Variants in HGSNAT observed in about 807,000 individuals in gnomAD.
HGSNAT encodes the protein transmembrane protein 76.
HGSNAT carries 59 observed loss-of-function variants against 85.2 expected under a neutral mutation model. The observed-to-expected ratio is 0.69, with a 90% CI of 0.56 to 0.86. The LOEUF is 0.86. HGSNAT is among the 40% of genes least tolerant of loss of function. The pLI, the probability that HGSNAT is intolerant of heterozygous loss-of-function variation, is 0.00. For missense variants in HGSNAT, 756 were observed against 777.1 expected, an observed-to-expected ratio of 0.97 and a Z score of 0.32; for synonymous variants, 321 against 304.5, an observed-to-expected ratio of 1.05 and a Z score of -0.56.
At position 43,140,601 on chromosome 8, in the gene HGSNAT, C is replaced by G. The variant is rs1173038584; in HGVS notation, c.105C>G (p.Ala35=). The change falls in exon 1 of 18, where the codon GCC becomes GCG. Residue 35 remains alanine, a synonymous_variant. Coordinates refer to ENST00000379644, the MANE Select transcript of HGSNAT (RefSeq NM_152419.3). ...PGGSSGRDAQ[A]APPRDLDKKR... The stretch of plus-strand genomic sequence containing the variant: ...GCTCTTCGGGGCGCGATGCCCAGGC[C>G]GCGCCGCCACGAGGTGAGTGCACAC... 7 of 1,236,330 alleles carry G rather than the reference C, an allele frequency of 5.7e-6. No individual in the cohort carries two copies. The African/African-American group carries it at 1.1e-4, about 20-fold the overall frequency. The allele number at this position is 1,236,330 out of a possible 1,614,324, so 76.6% of individuals were successfully genotyped here. A position where few individuals can be genotyped will look rare whatever the true frequency, so the allele number is the denominator to read the frequency against.
intron 1 of HGSNAT, among the ~76,000 whole-genome samples, chr8:43,144,242 T>A (rs1052318635): frequency 1.3e-5 from 2 of 151,538 alleles, no homozygotes; most frequent in African/African-American, 4.9e-5. Context: ...GGAGGATTGC[T>A]TGAACTCAGG....
chr8:43,177,617 G>A (rs1803859999), intron 9 of HGSNAT, among the ~76,000 whole-genome samples: 1 of 150,790 alleles, frequency 6.6e-6, no homozygotes, highest in Non-Finnish European at 1.5e-5. Context: ...AGAAAAGAAA[G>A]GAAATGTGTA....
intron 8 of HGSNAT, 69 bp from the exon 9 acceptor site, chr8:43,173,644 T>TC (rs1803708771): frequency 6.6e-7 from 1 of 1,520,114 alleles, no homozygotes; most frequent in Admixed American, 1.8e-5. Context: ...TGTAATGAAG[T>TC]CCACACTAGA....
In HGSNAT at chr8:43,200,896, T is replaced by G. The variant is rs1350800049; in HGVS notation, c.*1327T>G. Reference sequence around the variant, plus strand: ...CCTGAACTCTCATCCGGCTTGTACCTGCCTGCTGGACCCCTCCACCTGGAG... The same window carrying G: ...CCTGAACTCTCATCCGGCTTGTACCGGCCTGCTGGACCCCTCCACCTGGAG... On this transcript the variant is annotated 3_prime_UTR_variant, in exon 18 of 18. Coordinates refer to ENST00000379644, the MANE Select transcript of HGSNAT (RefSeq NM_152419.3). 2.0e-5 allele frequency: 3 copies of G among 152,722 alleles called. No individual in the cohort carries two copies. The highest frequency in any genetic ancestry group is 4.8e-5 in the African/African-American group (2 of 41,478). 9.5% of individuals were successfully genotyped at this position (152,722 alleles called of 1,614,324 possible).
At chr8:43,182,981 T>C (rs1167180723) in intron 11 of HGSNAT, among the ~76,000 whole-genome samples, 1 of 152,216 alleles carries the variant, frequency 6.6e-6, no homozygotes, top group Non-Finnish European at 1.5e-5. Context: ...TTTCCTCTTA[T>C]TTTTAGTTGA....
rs1803638594 is a variant in HGSNAT at position 43,171,942 on chromosome 8, C to T, written c.744-368C>T. 3.9e-5 allele frequency among the ~76,000 whole-genome samples: 6 copies of T among 152,326 alleles called. No individual in the cohort carries two copies. In the South Asian group the frequency reaches 1.2e-3, roughly 32 times the overall value. ...GATTGGAATTCTGAGCTCGCTGACT[C>T]AGCTGGCTGTGTGCCTTCCACCAGA... On this transcript the variant is annotated intron_variant, in intron 7 of 17. Transcript: ENST00000379644.
At chr8:43,156,049 A>T (rs1803084245) in intron 2 of HGSNAT, among the ~76,000 whole-genome samples, 2 of 152,150 alleles carry the variant, frequency 1.3e-5, no homozygotes, top group African/African-American at 4.8e-5. Context: ...CATGTTGGCC[A>T]GGCTGGTCTC....
At chr8:43,191,255 T>C (rs1197964864) in intron 11 of HGSNAT, among the ~76,000 whole-genome samples, 4 of 152,212 alleles carry the variant, frequency 2.6e-5, no homozygotes, top group African/African-American at 9.6e-5. Flanking sequence ...CTCTTGGGTA[T>C]AGGAATAGAA....
At chr8:43,141,131 G>A (rs1802515124) in intron 1 of HGSNAT, among the ~76,000 whole-genome samples, 1 of 152,194 alleles carries the variant, frequency 6.6e-6, no homozygotes, top group Non-Finnish European at 1.5e-5. Flanking sequence ...CCTGGGGCCG[G>A]GACGCGCGTT....
In HGSNAT at chr8:43,172,329, G is replaced by A. The variant is rs1803653084; in HGVS notation, c.763G>A (p.Val255Ile). 1 of 1,611,808 alleles carries A rather than the reference G, an allele frequency of 6.2e-7. No homozygotes were observed. The highest frequency in any genetic ancestry group is 1.7e-5 in the Admixed American group (1 of 59,996). The change falls in exon 8 of 18, where the codon GTC (valine) becomes ATC (isoleucine). Residue 255 changes from valine (V) to isoleucine (I), a missense_variant. Val to Ile is a conservative substitution (Grantham distance 29, BLOSUM62 3). Transcript: ENST00000379644. ...TTCTAGGATTGCTCTTATACTCATG[G>A]TCTTTGTCAATTATGGAGGAGGAAA... is the stretch of plus-strand genomic sequence containing the variant. ...TFRGIALILM[V>I]FVNYGGGKYW...
chr8:43,175,391 T>C (rs1803773990), intron 9 of HGSNAT, among the ~76,000 whole-genome samples: 1 of 152,152 alleles, frequency 6.6e-6, no homozygotes, highest in Non-Finnish European at 1.5e-5. Flanking sequence ...GCATTGGTTA[T>C]TGCTGTCTTT....
chr8:43,148,348 T>G (rs1427909280), intron 2 of HGSNAT, among the ~76,000 whole-genome samples: 1 of 151,390 alleles, frequency 6.6e-6, no homozygotes, highest in East Asian at 1.9e-4. Context: ...TATATTAAAT[T>G]TATATTAAAT....
rs62517610 is a variant in HGSNAT, at chr8:43,140,668, C to T, written c.118+54C>T. 0.076 allele frequency: 69,464 copies of T among 913,688 alleles called. 2,970 individuals are homozygous for T. The highest frequency in any genetic ancestry group is 0.11 in the African/African-American group (6,160 of 56,066). The allele number at this position is 913,688 out of a possible 1,614,324, so 56.6% of individuals were successfully genotyped here. ...GCCGGCTACGAGCGCAGCGTCTCCTCTCCGCGGCGCCGCCCCTATCTCCGT... is the reference window on the plus strand; with the variant it reads ...GCCGGCTACGAGCGCAGCGTCTCCTTTCCGCGGCGCCGCCCCTATCTCCGT... On this transcript the variant is annotated intron_variant, in intron 1 of 17. Transcript: ENST00000379644.
At chr8:43,197,616 A>C in intron 15 of HGSNAT, 56 bp from the exon 16 acceptor site, 1 of 1,298,310 alleles carries the variant, frequency 7.7e-7, no homozygotes, top group Non-Finnish European at 1.1e-6. Flanking sequence ...GTTGAAACCA[A>C]GTGTTTTCTG....
rs1382951719 is a variant in HGSNAT, at chr8:43,165,762, C to G, written c.564-3411C>G. On this transcript the variant is annotated intron_variant, in intron 5 of 17. Transcript: ENST00000379644. ...GACCAGCCTGGCCAACATGGCAAAA[C>G]CCCATCTCTACTAAAAATACAAAAT... is the stretch of plus-strand genomic sequence containing the variant. Among the ~76,000 whole-genome samples, 3 of 151,972 alleles carry G rather than the reference C, an allele frequency of 2.0e-5. No homozygotes were observed. In the East Asian group the frequency reaches 5.8e-4, roughly 29 times the overall value.
chr8:43,176,149 A>G (rs1462287995), intron 9 of HGSNAT, among the ~76,000 whole-genome samples: 1 of 152,046 alleles, frequency 6.6e-6, no homozygotes, highest in Admixed American at 6.6e-5. Flanking sequence ...TGTTTCCCCA[A>G]TGTTTTCTCT....
chr8:43,199,362 A>G, intron 17 of HGSNAT, 26 bp from the exon 18 acceptor site: 3 of 1,493,062 alleles, frequency 2.0e-6, no homozygotes, highest in South Asian at 1.2e-5. Flanking sequence ...GAGAAACATG[A>G]TCTTCTGTAT....
rs530445013 is a variant in HGSNAT at position 43,148,323 on chromosome 8, T to TATTTATATTTA, written c.234+1270_234+1280dup. ...CCATCAGAGGTTGAATTTTAATTTA[T>TATTTATATTTA]ATTTATATTTAATTTATATTAAATT... On this transcript the variant is annotated intron_variant, in intron 2 of 17. Transcript: ENST00000379644. Among the ~76,000 whole-genome samples the TATTTATATTTA allele has an allele frequency of 9.5e-3, 1,446 of 151,456 alleles. 25 individuals are homozygous for TATTTATATTTA. The highest frequency in any genetic ancestry group is 0.033 in the African/African-American group (1,371 of 41,406).
At chr8:43,199,062 C>T (rs955441714) in intron 17 of HGSNAT, among the ~76,000 whole-genome samples, 7 of 152,056 alleles carry the variant, frequency 4.6e-5, no homozygotes, top group East Asian at 1.9e-4. Flanking sequence ...CCACCACGCC[C>T]GGCTAATTTT....
Sources: gnomAD v4.1 joint callset for allele counts (sites outside exome capture counted in the v4.1 genomes callset) on GRCh38, gnomAD v4.1.1 for gene constraint, MANE v1.5 for transcripts, NCBI Gene and HGNC (gene_info 2026-07-23, HGNC 2026-07-21) for gene names.